KCNQ5: variants seen among roughly 807,000 people sequenced by gnomAD.
KCNQ5 encodes the protein potassium voltage-gated channel subfamily KQT member 5.
Under a neutral mutation model 98.2 loss-of-function variants are expected in KCNQ5, and 30 were observed. The ratio of observed to expected loss-of-function variants is 0.31; its 90% CI spans 0.23 to 0.41. The LOEUF (loss-of-function observed/expected upper bound fraction) is 0.41, where lower values mean the gene tolerates loss of function less well. KCNQ5 is among the 10% of genes least tolerant of loss of function. KCNQ5 has a pLI of 1.00. For synonymous variants in KCNQ5, 458 were observed against 449.4 expected (o/e 1.02, Z -0.24); for missense variants, 835 against 1,182.5 (o/e 0.71, Z 4.31).
chr6:72,895,116 A>T (rs1169221961), intron 1 of KCNQ5, among the ~76,000 whole-genome samples: 1 of 31,384 alleles, frequency 3.2e-5, no homozygotes. Context: ...ATCTCTACTA[A>T]AAAAAAAAAA....
chr6:72,706,420 A>G lies in KCNQ5; in HGVS notation c.398+83833A>G, dbSNP rs7764146. ...ATGGCCCTGTGGTGGGTACTAAAGT[A>G]TTTCTTATGTGAATAATATGTTCAT... On this transcript the variant is annotated intron_variant, in intron 1 of 13. Transcript: ENST00000370398. Among the ~76,000 whole-genome samples the G allele has an allele frequency of 1.6e-3, 243 of 152,124 alleles. 1 individual carries two copies. The highest frequency in any genetic ancestry group is 5.6e-3 in the African/African-American group (233 of 41,540).
intron 3 of KCNQ5, among the ~76,000 whole-genome samples, chr6:73,044,767 A>G (rs1246809372): frequency 1.3e-5 from 2 of 152,230 alleles, no homozygotes. Context: ...AAAAAGAAAT[A>G]GCATCTCTTA....
intron 1 of KCNQ5, among the ~76,000 whole-genome samples, chr6:72,806,303 A>G (rs1774955889): frequency 6.6e-6 from 1 of 152,156 alleles, no homozygotes; most frequent in African/African-American, 2.4e-5. Context: ...ACAAGAAATA[A>G]GACAAGCAAA....
At chr6:73,063,721 T>TGATAGATAGATAGATAGATA (rs11388162) in intron 3 of KCNQ5, among the ~76,000 whole-genome samples, 5 of 96,034 alleles carry the variant, frequency 5.2e-5, no homozygotes, top group African/African-American at 7.7e-5. Flanking sequence ...GATAGATAGA[T>TGATAGATAGATAGATAGATA]GATAGATAGA....
At chr6:73,175,413 A>G (rs1332234247) in intron 11 of KCNQ5, among the ~76,000 whole-genome samples, 3 of 152,114 alleles carry the variant, frequency 2.0e-5, no homozygotes, top group Admixed American at 1.3e-4. Flanking sequence ...TGGCTTCCCT[A>G]AGTGCTGGGA....
chr6:72,799,969 C>T (rs1422050020), intron 1 of KCNQ5, among the ~76,000 whole-genome samples: 1 of 151,984 alleles, frequency 6.6e-6, no homozygotes, highest in African/African-American at 2.4e-5. Context: ...ATCATATGTT[C>T]TATTTACTAT....
chr6:73,186,317 T>C (rs1778570567), intron 11 of KCNQ5, among the ~76,000 whole-genome samples: 2 of 152,252 alleles, frequency 1.3e-5, no homozygotes, highest in South Asian at 4.1e-4. Flanking sequence ...AGAACTTTCA[T>C]ATCTCACTTT....
intron 7 of KCNQ5, among the ~76,000 whole-genome samples, chr6:73,119,731 T>G (rs1246520222): frequency 2.0e-5 from 3 of 152,210 alleles, no homozygotes. Context: ...CATTAGTCCT[T>G]TGCTTCTCCC....
intron 1 of KCNQ5, among the ~76,000 whole-genome samples, chr6:72,651,317 G>C (rs1456135732): frequency 2.6e-5 from 4 of 152,058 alleles, no homozygotes; most frequent in African/African-American, 7.2e-5. Context: ...AGGATGGACA[G>C]ATGGATGCAT....
intron 1 of KCNQ5, among the ~76,000 whole-genome samples, chr6:72,800,933 GT>G (rs1488943593): frequency 6.6e-6 from 1 of 151,990 alleles, no homozygotes; most frequent in Admixed American, 6.6e-5. Flanking sequence ...TAGTTGAGTG[GT>G]TTTGAGTGAG....
At chr6:72,791,185 G>C (rs541459081) in intron 1 of KCNQ5, among the ~76,000 whole-genome samples, 1 of 152,314 alleles carries the variant, frequency 6.6e-6, no homozygotes, top group East Asian at 1.9e-4. Flanking sequence ...AGCCACAGGA[G>C]GAGCTAAATG....
At chr6:72,810,901 A>C (rs1221041188) in intron 1 of KCNQ5, among the ~76,000 whole-genome samples, 1 of 152,224 alleles carries the variant, frequency 6.6e-6, no homozygotes, top group East Asian at 1.9e-4. Context: ...CTAAAACAGC[A>C]TGGTAACATT....
At chr6:73,054,793 A>G (rs1772397286) in intron 3 of KCNQ5, among the ~76,000 whole-genome samples, 1 of 152,194 alleles carries the variant, frequency 6.6e-6, no homozygotes, top group African/African-American at 2.4e-5. Context: ...CAAAACAAGG[A>G]TGTCCTCTCT....
chr6:72,951,494 G>A (rs1766806222), intron 1 of KCNQ5, among the ~76,000 whole-genome samples: 1 of 138,500 alleles, frequency 7.2e-6, no homozygotes, highest in African/African-American at 2.6e-5. Flanking sequence ...CTGTTGGCCA[G>A]GTTGGTCTTG....
intron 1 of KCNQ5, among the ~76,000 whole-genome samples, chr6:72,779,821 CTGTGTGTGTGTGTGTGTG>C (rs35526812): frequency 0.31 from 38,869 of 124,616 alleles, 6,325 homozygotes; most frequent in Middle Eastern, 0.44. Context: ...ATTTAATTTT[CTGTGTGTGTGTGTGTGTG>C]TGTGTGTGTG....
At chr6:73,058,281 G>A (rs1175428214) in intron 3 of KCNQ5, among the ~76,000 whole-genome samples, 3 of 152,060 alleles carry the variant, frequency 2.0e-5, no homozygotes, top group Admixed American at 6.5e-5. Flanking sequence ...GCGAGGTGGC[G>A]GGCACCTGTA....
intron 1 of KCNQ5, among the ~76,000 whole-genome samples, chr6:72,985,686 G>A (rs993306585): frequency 6.6e-6 from 1 of 152,270 alleles, no homozygotes; most frequent in African/African-American, 2.4e-5. Flanking sequence ...TGGAGAAAAC[G>A]GACAACTTAT....
At chr6:72,945,133 A>C (rs1207666043) in intron 1 of KCNQ5, among the ~76,000 whole-genome samples, 7 of 152,202 alleles carry the variant, frequency 4.6e-5, no homozygotes, top group Non-Finnish European at 7.3e-5. Context: ...TTGTTATAAC[A>C]ATATGATCAT....
intron 1 of KCNQ5, among the ~76,000 whole-genome samples, chr6:72,751,988 T>A (rs778482521): frequency 6.6e-6 from 1 of 152,242 alleles, no homozygotes; most frequent in Admixed American, 6.6e-5. Flanking sequence ...AATGTACATC[T>A]TTTGCCTTTT....
Sources: gnomAD v4.1 joint callset for allele counts (sites outside exome capture counted in the v4.1 genomes callset) on GRCh38, gnomAD v4.1.1 for gene constraint, MANE v1.5 for transcripts, NCBI Gene and HGNC (gene_info 2026-07-23, HGNC 2026-07-21) for gene names.